The following PLCB1 variants were observed in gnomAD, a reference collection of about 807,000 sequenced individuals.
PLCB1 encodes 1-phosphatidylinositol 4,5-bisphosphate phosphodiesterase beta-1.
PLCB1 carries 46 observed loss-of-function variants against 161.8 expected under a neutral mutation model. The observed-to-expected ratio is 0.28, with a 90% CI of 0.22 to 0.36. PLCB1 has a LOEUF of 0.36. PLCB1 is among the 10% of genes least tolerant of loss of function. PLCB1 has a pLI of 1.00. For synonymous variants in PLCB1, 517 were observed against 503.7 expected (o/e 1.03, Z -0.35); for missense variants, 1,016 against 1,472.5 (o/e 0.69, Z 5.07).
rs749891011 is a variant in PLCB1, at chr20:8,371,910, AG to A, written c.246+461del. 114 of 153,106 alleles carry A rather than the reference AG, an allele frequency of 7.4e-4. 1 individual carries two copies. The highest frequency in any genetic ancestry group is 1.3e-3 in the Non-Finnish European group (88 of 68,558). The allele number at this position is 153,106 out of a possible 1,614,324, so 9.5% of individuals were successfully genotyped here. A position where few individuals can be genotyped will look rare whatever the true frequency, so the allele number is the denominator to read the frequency against. ...TTAATTCTGCAAATGTTACTAGTAA[AG>A]ATCAGCATACTTTGGGATGAATTGT... On this transcript the variant is annotated intron_variant, in intron 3 of 31. Coordinates refer to ENST00000338037, the MANE Select transcript of PLCB1 (RefSeq NM_015192.4).
At chr20:8,551,013 C>A (rs1985756991) in intron 3 of PLCB1, among the ~76,000 whole-genome samples, 1 of 152,128 alleles carries the variant, frequency 6.6e-6, no homozygotes, top group Non-Finnish European at 1.5e-5. Flanking sequence ...AATGTCTGGG[C>A]TAACTTTTTT....
chr20:8,777,622 G>A (rs1423499325), intron 27 of PLCB1, among the ~76,000 whole-genome samples: 1 of 151,626 alleles, frequency 6.6e-6, no homozygotes, highest in Admixed American at 6.6e-5. Flanking sequence ...TGGAGGCTGA[G>A]GTGTGAGAAT....
intron 31 of PLCB1, among the ~76,000 whole-genome samples, chr20:8,818,559 C>T (rs1985184378): frequency 6.6e-6 from 1 of 152,074 alleles, no homozygotes; most frequent in African/African-American, 2.4e-5. Flanking sequence ...AATGAGTTAG[C>T]AAATATGCTG....
intron 2 of PLCB1, among the ~76,000 whole-genome samples, chr20:8,358,442 G>A (rs1015932466): frequency 6.6e-6 from 1 of 151,832 alleles, no homozygotes; most frequent in Non-Finnish European, 1.5e-5. Context: ...GTACAGATGG[G>A]GTTTCACCAT....
chr20:8,659,316 G>A (rs142028567), intron 9 of PLCB1, among the ~76,000 whole-genome samples: 6 of 152,164 alleles, frequency 3.9e-5, no homozygotes, highest in Admixed American at 2.6e-4. Flanking sequence ...AAAATGAATT[G>A]CCAAAATAAG....
intron 2 of PLCB1, among the ~76,000 whole-genome samples, chr20:8,182,583 CTT>C (rs113760426): frequency 0.26 from 36,687 of 138,872 alleles, 5,189 homozygotes; most frequent in African/African-American, 0.42. Flanking sequence ...TCTTTTTTTT[CTT>C]TTTTTTTTTT....
intron 3 of PLCB1, among the ~76,000 whole-genome samples, chr20:8,527,279 T>C (rs1311870678): frequency 1.3e-5 from 2 of 152,132 alleles, no homozygotes; most frequent in Non-Finnish European, 1.5e-5. Context: ...GCTCACCAAA[T>C]GGTGACCATT....
intron 15 of PLCB1, among the ~76,000 whole-genome samples, chr20:8,722,678 A>G (rs992606443): frequency 4.6e-5 from 7 of 152,180 alleles, no homozygotes; most frequent in African/African-American, 1.7e-4. Flanking sequence ...CTACCTATTT[A>G]TATAAACTTA....
chr20:8,439,252 AG>A (rs1980444219), intron 3 of PLCB1, among the ~76,000 whole-genome samples: 1 of 152,196 alleles, frequency 6.6e-6, no homozygotes, highest in South Asian at 2.1e-4. Context: ...CTTGTCGTAA[AG>A]GTGCCAAGCC....
chr20:8,338,787 C>T (rs969793155), intron 2 of PLCB1, among the ~76,000 whole-genome samples: 1 of 152,152 alleles, frequency 6.6e-6, no homozygotes, highest in African/African-American at 2.4e-5. Context: ...GTGCCCTCTT[C>T]CAGTCAATAC....
intron 4 of PLCB1, among the ~76,000 whole-genome samples, chr20:8,629,741 T>C (rs537399046): frequency 6.6e-6 from 1 of 152,314 alleles, no homozygotes; most frequent in African/African-American, 2.4e-5. Context: ...CTCAGTGCTC[T>C]GGTGATTTTC....
chr20:8,386,443 T>G (rs928256044), intron 3 of PLCB1, among the ~76,000 whole-genome samples: 29 of 152,214 alleles, frequency 1.9e-4, no homozygotes, highest in African/African-American at 6.8e-4. Context: ...GAATCCTTTC[T>G]CAGCATTAGG....
intron 2 of PLCB1, among the ~76,000 whole-genome samples, chr20:8,309,028 T>G (rs1396841311): frequency 6.6e-6 from 1 of 152,068 alleles, no homozygotes; most frequent in Non-Finnish European, 1.5e-5. Context: ...AAAAAAACAT[T>G]GTAAATTAGT....
At chr20:8,746,938 A>C (rs2123535918) in intron 23 of PLCB1, among the ~76,000 whole-genome samples, 1 of 152,288 alleles carries the variant, frequency 6.6e-6, no homozygotes, top group East Asian at 1.9e-4. Flanking sequence ...CAGCATCTCT[A>C]ATAAGCCCCC....
At chr20:8,372,104 C>T (rs1375323793) in intron 3 of PLCB1, 1 of 152,092 alleles carries the variant, frequency 6.6e-6, no homozygotes, top group East Asian at 1.9e-4. Flanking sequence ...GTTGTCTTGC[C>T]ATCAAAGTTA....
intron 3 of PLCB1, among the ~76,000 whole-genome samples, chr20:8,500,916 C>A (rs1448260845): frequency 6.6e-6 from 1 of 152,118 alleles, no homozygotes; most frequent in African/African-American, 2.4e-5. Flanking sequence ...GAAATCATAG[C>A]TAAAACAGTT....
At chr20:8,550,807 A>T (rs1367094761) in intron 3 of PLCB1, among the ~76,000 whole-genome samples, 4 of 151,772 alleles carry the variant, frequency 2.6e-5, no homozygotes, top group Admixed American at 2.6e-4. Flanking sequence ...CCTAGCAACA[A>T]CTCCTAAAGA....
At chr20:8,134,871 A>G (rs1448674387) in intron 1 of PLCB1, among the ~76,000 whole-genome samples, 1 of 151,804 alleles carries the variant, frequency 6.6e-6, no homozygotes. Flanking sequence ...TCTTTTTTAA[A>G]AAAAAAAAAA....
intron 1 of PLCB1, among the ~76,000 whole-genome samples, chr20:8,144,194 A>C (rs2051431245): frequency 6.6e-6 from 1 of 152,224 alleles, no homozygotes; most frequent in South Asian, 2.1e-4. Context: ...AGAAATGCAA[A>C]TTAAAAAACA....
Sources: gnomAD v4.1 joint callset for allele counts (sites outside exome capture counted in the v4.1 genomes callset) on GRCh38, gnomAD v4.1.1 for gene constraint, MANE v1.5 for transcripts, NCBI Gene and HGNC (gene_info 2026-07-23, HGNC 2026-07-21) for gene names.